LTBP1: variants seen among roughly 807,000 people sequenced by gnomAD.
LTBP1 encodes the protein latent transforming growth factor beta binding protein 1.
LTBP1 carries 129 observed loss-of-function variants against 207.6 expected under a neutral mutation model. That is an observed-to-expected ratio of 0.62 (90% CI 0.54 to 0.72). The LOEUF is 0.72. Among genes scored for constraint, LTBP1 ranks in the 30% least tolerant of loss-of-function variants. The probability of loss-of-function intolerance (pLI) is 0.00; values close to 1 mark genes in which losing one functional copy is unlikely to be tolerated. For missense variants in LTBP1, 2,281 were observed against 2,217.2 expected (o/e 1.03, Z -0.58); for synonymous variants, 963 against 833.7 (o/e 1.16, Z -2.67).
intron 4 of LTBP1, among the ~76,000 whole-genome samples, chr2:33,116,412 C>T (rs1250158859): frequency 6.6e-6 from 1 of 152,108 alleles, no homozygotes; most frequent in African/African-American, 2.4e-5. Context: ...TGGCAGATGT[C>T]ATGTTTTATA....
chr2:33,188,025 A>G (rs1269041497), intron 6 of LTBP1, among the ~76,000 whole-genome samples: 2 of 152,252 alleles, frequency 1.3e-5, no homozygotes, highest in Non-Finnish European at 1.5e-5. Flanking sequence ...TTTTAGTCTC[A>G]TGAATGTATT....
chr2:33,391,009 TTCTC>T (rs1167367036), intron 32 of LTBP1, among the ~76,000 whole-genome samples: 1 of 151,774 alleles, frequency 6.6e-6, no homozygotes, highest in African/African-American at 2.4e-5. Flanking sequence ...TTTCCTTCTC[TTCTC>T]TTTCTCTTTT....
chr2:33,211,103 A>C (rs1321354523), intron 7 of LTBP1, among the ~76,000 whole-genome samples: 1 of 152,132 alleles, frequency 6.6e-6, no homozygotes. Flanking sequence ...TATACATGTA[A>C]TGAAGACAAT....
At chr2:33,128,079 G>A (rs1187418393) in intron 4 of LTBP1, among the ~76,000 whole-genome samples, 1 of 152,174 alleles carries the variant, frequency 6.6e-6, no homozygotes, top group Non-Finnish European at 1.5e-5. Flanking sequence ...CCCTCGAGAG[G>A]AATGGCCCCC....
intron 24 of LTBP1, among the ~76,000 whole-genome samples, chr2:33,320,955 A>G (rs111738598): frequency 1.3e-5 from 2 of 152,158 alleles, no homozygotes; most frequent in African/African-American, 4.8e-5. Flanking sequence ...TATTTTTGGC[A>G]TTACCTTTTT....
chr2:33,070,071 C>G (rs950260965), intron 3 of LTBP1, among the ~76,000 whole-genome samples: 2 of 152,162 alleles, frequency 1.3e-5, no homozygotes, highest in Non-Finnish European at 2.9e-5. Context: ...TTTGACTCAG[C>G]GATGTGTCAC....
At chr2:33,236,150 A>G (rs904792866) in intron 9 of LTBP1, among the ~76,000 whole-genome samples, 33 of 152,358 alleles carry the variant, frequency 2.2e-4, no homozygotes, top group African/African-American at 6.7e-4. Flanking sequence ...GCGGTCAACC[A>G]GACTTGATAA....
intron 32 of LTBP1, among the ~76,000 whole-genome samples, chr2:33,392,426 C>T (rs112485407): frequency 0.013 from 1,904 of 152,238 alleles, 40 homozygotes; most frequent in African/African-American, 0.044. Flanking sequence ...ACCTTGTGAT[C>T]CACCTGCCTT....
rs773724430 is a variant in LTBP1, at chr2:33,334,913, T to TAAAA, written c.3731-7910_3731-7907dup. ...ATGAGACCTCATCTCTACTAAAAAT[T>TAAAA]AAAAAAAAAAAAAAAAAATGCCAGG... is the stretch of plus-strand genomic sequence containing the variant. On this transcript the variant is annotated intron_variant, in intron 24 of 33. Coordinates refer to ENST00000404816, the MANE Select transcript of LTBP1 (RefSeq NM_206943.4). 4.0e-3 allele frequency among the ~76,000 whole-genome samples: 513 copies of TAAAA among 128,248 alleles called. 1 individual carries two copies. The highest frequency in any genetic ancestry group is 0.012 in the African/African-American group (440 of 37,018). 84.1% of individuals were successfully genotyped at this position (128,248 alleles called of 152,430 possible).
Position 33,030,670 on chromosome 2 carries a change from A to G in LTBP1, c.863+9464A>G, listed in dbSNP as rs139458542. Among the ~76,000 whole-genome samples, 566 of 152,294 alleles carry G rather than the reference A, an allele frequency of 3.7e-3. 3 individuals carry two copies. Among genetic ancestry groups the G allele is most frequent in the African/African-American group, 0.013 (527 of 41,562 alleles). ...TGCCGTGCTGCTTTGTATTAATTTA[A>G]TTTAGTGACTTTTATGTGAAAGTAA... On this transcript the variant is annotated intron_variant, in intron 3 of 33. Transcript: ENST00000404816.
intron 3 of LTBP1, among the ~76,000 whole-genome samples, chr2:33,089,735 G>A (rs565814696): frequency 2.6e-5 from 4 of 152,162 alleles, no homozygotes; most frequent in Non-Finnish European, 5.9e-5. Flanking sequence ...TTATGCTATG[G>A]TTCCTGACGT....
intron 2 of LTBP1, among the ~76,000 whole-genome samples, chr2:32,975,394 A>G (rs190509154): frequency 7.9e-5 from 12 of 152,098 alleles, no homozygotes; most frequent in African/African-American, 2.9e-4. Flanking sequence ...CAGGGGTTCT[A>G]TGTATTTCCT....
At chr2:33,256,562 G>A (rs1324242767) in intron 11 of LTBP1, among the ~76,000 whole-genome samples, 5 of 150,728 alleles carry the variant, frequency 3.3e-5, no homozygotes, top group Admixed American at 1.3e-4. Context: ...ACATCAAAGC[G>A]GGAAAAAAAG....
At chr2:33,286,402 T>A (rs1209064048) in intron 19 of LTBP1, among the ~76,000 whole-genome samples, 1 of 152,246 alleles carries the variant, frequency 6.6e-6, no homozygotes, top group Non-Finnish European at 1.5e-5. Flanking sequence ...CTAGGCTTTA[T>A]TTTCAGATTT....
rs779168923 is a variant in LTBP1 at position 32,975,583 on chromosome 2, GTTTTTTTTTTTTTTTTTTTTTT to G, written c.565+26655_565+26676del. Among the ~76,000 whole-genome samples, 289 of 31,382 alleles carry G rather than the reference GTTTTTTTTTTTTTTTTTTTTTT, an allele frequency of 9.2e-3. 2 individuals are homozygous for G. Among genetic ancestry groups the G allele is most frequent in the African/African-American group, 0.015 (110 of 7,286 alleles). 20.6% of individuals were successfully genotyped at this position (31,382 alleles called of 152,430 possible). A position where few individuals can be genotyped will look rare whatever the true frequency, so the allele number is the denominator to read the frequency against. On this transcript the variant is annotated intron_variant, in intron 2 of 33. Transcript: ENST00000404816. ...TTGTTGGAGGTTTCATTCATTCTTTGTTTTTTTTTTTTTTTTTTTTTTTTTTTTTTTTTTTTTTGTCTGACTG... is the reference window on the plus strand; with the variant it reads ...TTGTTGGAGGTTTCATTCATTCTTTGTTTTTTTTTTTTTTTTGTCTGACTG...
chr2:33,364,386 C>G (rs1011945416), intron 30 of LTBP1, 30 bp downstream of exon 30: 2 of 1,582,970 alleles, frequency 1.3e-6, no homozygotes, highest in African/African-American at 1.4e-5. Flanking sequence ...AAACCTGTGT[C>G]CAAATAACTA....
At chr2:33,331,686 A>G (rs1440996145) in intron 24 of LTBP1, among the ~76,000 whole-genome samples, 1 of 152,114 alleles carries the variant, frequency 6.6e-6, no homozygotes, top group African/African-American at 2.4e-5. Flanking sequence ...CTGGACCTAT[A>G]TGTCAATTAG....
Position 33,360,671 on chromosome 2 carries a change from T to C in LTBP1, c.4075T>C (p.Cys1359Arg). The C allele has an allele frequency of 6.2e-7, 1 of 1,613,672 alleles. No homozygotes were observed. The highest frequency in any genetic ancestry group is 8.5e-7 in the Non-Finnish European group (1 of 1,179,550). The change falls in exon 27 of 34, where the codon TGT (cysteine) becomes CGT (arginine). Residue 1359 changes from cysteine to arginine, a missense_variant. By Grantham distance (180) the Cys-to-Arg change is radical. This residue lies in a region of LTBP1 where 1,671 missense variants were observed against 1,634.8 expected (regional missense o/e 1.02). Coordinates refer to ENST00000404816, the MANE Select transcript of LTBP1 (RefSeq NM_206943.4). Reference sequence around the variant, plus strand: ...CTATAATCTCAATGACGCCAGTCTCTGTGATAATGTGTTGGCCCCCAATGT... The same window carrying C: ...CTATAATCTCAATGACGCCAGTCTCCGTGATAATGTGTTGGCCCCCAATGT... ...CYYNLNDASL[C>R]DNVLAPNVTK...
intron 31 of LTBP1, among the ~76,000 whole-genome samples, chr2:33,379,484 A>T (rs2095187780): frequency 6.6e-6 from 1 of 152,080 alleles, no homozygotes; most frequent in Non-Finnish European, 1.5e-5. Context: ...GCTGGGATTC[A>T]TAGGCATGAG....
Sources: gnomAD v4.1 joint callset for allele counts (sites outside exome capture counted in the v4.1 genomes callset) on GRCh38, gnomAD v4.1.1 for gene constraint, gnomAD v4.1.1 regional missense constraint, MANE v1.5 for transcripts, NCBI Gene and HGNC (gene_info 2026-07-23, HGNC 2026-07-21) for gene names.